Variants in PRDM16 observed in about 807,000 individuals in gnomAD.
The protein encoded by PRDM16 is PR/SET domain 16, also known as histone-lysine N-methyltransferase PRDM16.
A neutral mutation model predicts 110.6 loss-of-function variants in PRDM16; 23 were observed. The ratio of observed to expected loss-of-function variants is 0.21; its 90% CI spans 0.15 to 0.29. The LOEUF (loss-of-function observed/expected upper bound fraction) is 0.29, where lower values mean the gene tolerates loss of function less well. Among genes scored for constraint, PRDM16 ranks in the 10% least tolerant of loss-of-function variants. The pLI is 1.00. For missense variants in PRDM16, 1,615 were observed against 1,794.3 expected, an observed-to-expected ratio of 0.90 and a Z score of 1.81; for synonymous variants, 799 against 781.8, an observed-to-expected ratio of 1.02 and a Z score of -0.37.
intron 3 of PRDM16, among the ~76,000 whole-genome samples, chr1:3,367,708 G>A (rs1403001178): frequency 6.6e-6 from 1 of 152,222 alleles, no homozygotes; most frequent in African/African-American, 2.4e-5. Flanking sequence ...TGGAAGGAGT[G>A]TATTTTAAAG....
intron 2 of PRDM16, among the ~76,000 whole-genome samples, chr1:3,197,509 T>A (rs1313449397): frequency 6.6e-6 from 1 of 152,222 alleles, no homozygotes; most frequent in Non-Finnish European, 1.5e-5. Context: ...GCACCTGCAG[T>A]GCGGTCCCTG....
chr1:3,317,892 A>G (rs897490804), intron 3 of PRDM16, among the ~76,000 whole-genome samples: 1 of 152,260 alleles, frequency 6.6e-6, no homozygotes, highest in African/African-American at 2.4e-5. Flanking sequence ...TTTGTAATGC[A>G]CTAGTTAGTG....
chr1:3,297,185 G>A lies in PRDM16; in HGVS notation c.438+53048G>A, dbSNP rs13374593. Among the ~76,000 whole-genome samples, 694 of 152,218 alleles carry A rather than the reference G, an allele frequency of 4.6e-3. 10 individuals are homozygous for A. Among genetic ancestry groups the A allele is most frequent in the African/African-American group, 0.016 (666 of 41,520 alleles). On this transcript the variant is annotated intron_variant, in intron 3 of 16. Coordinates refer to ENST00000270722, the MANE Select transcript of PRDM16 (RefSeq NM_022114.4). The stretch of plus-strand genomic sequence containing the variant: ...TGCCCAGTGGCCCCTCCAGGTCCCG[G>A]CGTCTCCTTGGACTCACATTACCAG...
intron 3 of PRDM16, among the ~76,000 whole-genome samples, chr1:3,292,017 G>A (rs1180762271): frequency 2.0e-5 from 3 of 152,170 alleles, no homozygotes; most frequent in Admixed American, 1.3e-4. Context: ...TACATCTTGT[G>A]TTTTGGGCTT....
At chr1:3,416,038 T>C (rs1469026178) in intron 10 of PRDM16, among the ~76,000 whole-genome samples, 2 of 152,156 alleles carry the variant, frequency 1.3e-5, no homozygotes, top group African/African-American at 2.4e-5. Flanking sequence ...AGAGCATGCC[T>C]GCCTCGCAGG....
At position 3,290,142 on chromosome 1, in the gene PRDM16, G is replaced by A. The variant is rs1025115095; in HGVS notation, c.438+46005G>A. On this transcript the variant is annotated intron_variant, in intron 3 of 16. Transcript: ENST00000270722. This position sits in a 1 kb window ranked among gnomAD's most constrained non-coding sequence, Gnocchi z 4.8. ...TGTGTCATGCTGATGTGACAAACCC[G>A]GGCGCTGTTCTCCTGGGTATCACAC... 2.0e-5 allele frequency among the ~76,000 whole-genome samples: 3 copies of A among 152,300 alleles called. No individual in the cohort carries two copies. The highest frequency in any genetic ancestry group is 2.1e-4 in the South Asian group (1 of 4,816).
In PRDM16 at chr1:3,069,319, C is replaced by T; in HGVS notation, c.37+23C>T. ...AAAGTAAGTCTCCCGCGCTCGGCCGCGCCGCGCCGCCGGGGCCCGGGCCGC... is the reference window on the plus strand; with the variant it reads ...AAAGTAAGTCTCCCGCGCTCGGCCGTGCCGCGCCGCCGGGGCCCGGGCCGC... On this transcript the variant is annotated intron_variant, in intron 1 of 16. Transcript: ENST00000270722. The surrounding 1 kb of genome is among the most constrained non-coding windows in gnomAD (Gnocchi z 6.1). 2.4e-6 allele frequency: 3 copies of T among 1,273,524 alleles called. No individual in the cohort carries two copies. Among genetic ancestry groups the T allele is most frequent in the Non-Finnish European group, 3.0e-6 (3 of 984,894 alleles). The allele number at this position is 1,273,524 out of a possible 1,614,324, so 78.9% of individuals were successfully genotyped here. A position where few individuals can be genotyped will look rare whatever the true frequency, so the allele number is the denominator to read the frequency against.
At chr1:3,343,249 T>G (rs1422172999) in intron 3 of PRDM16, among the ~76,000 whole-genome samples, 1 of 148,574 alleles carries the variant, frequency 6.7e-6, no homozygotes, top group Admixed American at 6.7e-5. Flanking sequence ...AGATGAATTG[T>G]GATATTTTCA....
intron 3 of PRDM16, among the ~76,000 whole-genome samples, chr1:3,318,243 C>T (rs369244410): frequency 1.1e-4 from 16 of 152,180 alleles, no homozygotes; most frequent in African/African-American, 3.6e-4. Context: ...GAAGGTCTTC[C>T]GAGCTCCTTT....
chr1:3,146,918 GGGT>G (rs1198851141), intron 1 of PRDM16, among the ~76,000 whole-genome samples: 10 of 110,122 alleles, frequency 9.1e-5, no homozygotes, highest in African/African-American at 2.8e-4. Flanking sequence ...CAGTGTGGGG[GGGT>G]GTGTGTGCAC....
rs1638918683 is a variant in PRDM16 at position 3,436,741 on chromosome 1, C to A, written c.*2930C>A. On this transcript the variant is annotated 3_prime_UTR_variant, in exon 17 of 17. Transcript: ENST00000270722. ...ATTCTGGCCTCCAGCTGTCACCACACCGTAACGGGGCCATGTAACTGTGCA... is the reference window on the plus strand; with the variant it reads ...ATTCTGGCCTCCAGCTGTCACCACAACGTAACGGGGCCATGTAACTGTGCA... The A allele has an allele frequency of 4.3e-6, 1 of 232,802 alleles. No homozygotes were observed. Among genetic ancestry groups the A allele is most frequent in the Admixed American group, 5.6e-5 (1 of 17,776 alleles). The allele number at this position is 232,802 out of a possible 1,614,324, so 14.4% of individuals were successfully genotyped here.
At chr1:3,231,815 A>G (rs978490811) in intron 2 of PRDM16, among the ~76,000 whole-genome samples, 1 of 152,170 alleles carries the variant, frequency 6.6e-6, no homozygotes, top group African/African-American at 2.4e-5. Context: ...GCAGCCTTTC[A>G]CCTGCCAGGC....
chr1:3,139,072 A>G (rs1446057252), intron 1 of PRDM16, among the ~76,000 whole-genome samples: 2 of 152,116 alleles, frequency 1.3e-5, no homozygotes, highest in African/African-American at 4.8e-5. Flanking sequence ...CCAGGTCTGC[A>G]GGGGTCCAGT....
chr1:3,120,867 G>A (rs1196914494), intron 1 of PRDM16, among the ~76,000 whole-genome samples: 1 of 152,230 alleles, frequency 6.6e-6, no homozygotes, highest in African/African-American at 2.4e-5. Flanking sequence ...CGCTTCTGCA[G>A]GGATTTGCAG....
At chr1:3,345,898 C>T (rs1051946575) in intron 3 of PRDM16, among the ~76,000 whole-genome samples, 52 of 152,210 alleles carry the variant, frequency 3.4e-4, no homozygotes, top group Non-Finnish European at 5.9e-5. Context: ...CAGAGCTACA[C>T]AGTCCCCCCA....
At chr1:3,162,442 A>G (rs1424716365) in intron 1 of PRDM16, among the ~76,000 whole-genome samples, 1 of 152,214 alleles carries the variant, frequency 6.6e-6, no homozygotes, top group Non-Finnish European at 1.5e-5. Context: ...GGAAGCAAGC[A>G]TATTCACAAC....
chr1:3,431,949 C>G lies in PRDM16; in HGVS notation c.3522-17C>G, dbSNP rs1638780109. 6.2e-7 allele frequency: 1 copy of G among 1,607,324 alleles called. No individual in the cohort carries two copies. The highest frequency in any genetic ancestry group is 1.3e-5 in the African/African-American group (1 of 74,816). On this transcript the variant is annotated splice_polypyrimidine_tract_variant and intron_variant, in intron 15 of 16. Coordinates refer to ENST00000270722, the MANE Select transcript of PRDM16 (RefSeq NM_022114.4). The stretch of plus-strand genomic sequence containing the variant: ...CTGCTGACAGCAGGCCTTCCCTCTC[C>G]CCGGTCATTGGTGCAGGTGTGCTGA...
intron 3 of PRDM16, among the ~76,000 whole-genome samples, chr1:3,249,317 T>A (rs754614024): frequency 2.2e-4 from 34 of 151,974 alleles, no homozygotes; most frequent in Admixed American, 1.7e-3. Context: ...TATGCATGCA[T>A]CGGGCTCAGC....
intron 3 of PRDM16, among the ~76,000 whole-genome samples, chr1:3,378,363 C>T (rs1167503225): frequency 6.6e-6 from 1 of 152,152 alleles, no homozygotes; most frequent in Non-Finnish European, 1.5e-5. Flanking sequence ...AAGCAGGGAC[C>T]GGGACCTGGG....
Sources: allele counts gnomAD v4.1 joint callset (sites outside exome capture counted in the v4.1 genomes callset), GRCh38; gene constraint gnomAD v4.1.1; non-coding constraint Gnocchi (gnomAD v3.1); transcripts MANE v1.5; gene names NCBI Gene and HGNC (gene_info 2026-07-23, HGNC 2026-07-21).